LRP1B: variants seen among roughly 807,000 people sequenced by gnomAD.
The protein encoded by LRP1B is low-density lipoprotein receptor-related protein 1B.
Under a neutral mutation model 556.6 loss-of-function variants are expected in LRP1B, and 217 were observed. The ratio of observed to expected loss-of-function variants is 0.39; its 90% confidence interval spans 0.35 to 0.44. The LOEUF is 0.44. Ranked by LOEUF, LRP1B falls within the 20% of genes least tolerant of loss-of-function variation. LRP1B has a pLI of 1.00. For missense variants in LRP1B, 5,053 were observed against 5,620.8 expected, an observed-to-expected ratio of 0.90 and a Z score of 3.23; for synonymous variants, 2,047 against 1,865.8, an observed-to-expected ratio of 1.10 and a Z score of -2.50.
At chr2:140,980,650 A>T (rs764797599) in intron 18 of LRP1B, among the ~76,000 whole-genome samples, 2 of 152,200 alleles carry the variant, frequency 1.3e-5, no homozygotes, top group Non-Finnish European at 2.9e-5. Flanking sequence ...AGGCATTTAA[A>T]TTGAGAGGTT....
At chr2:140,584,986 T>C (rs75092740) in intron 43 of LRP1B, among the ~76,000 whole-genome samples, 206 of 152,216 alleles carry the variant, frequency 1.4e-3, no homozygotes, top group African/African-American at 4.8e-3. Context: ...TGAATTTTGC[T>C]GAACATAGCA....
At chr2:140,873,804 C>CA (rs1043580679) in intron 25 of LRP1B, among the ~76,000 whole-genome samples, 2 of 151,218 alleles carry the variant, frequency 1.3e-5, no homozygotes, top group African/African-American at 2.4e-5. Context: ...AACATTCTTT[C>CA]AAAAAAAGTA....
chr2:141,582,078 T>C (rs1686972847), intron 2 of LRP1B, among the ~76,000 whole-genome samples: 1 of 152,184 alleles, frequency 6.6e-6, no homozygotes, highest in Admixed American at 6.5e-5. Flanking sequence ...TCTCTAAAAA[T>C]TAAAATATGT....
chr2:140,376,471 T>G (rs1683234966), intron 68 of LRP1B, among the ~76,000 whole-genome samples: 1 of 152,296 alleles, frequency 6.6e-6, no homozygotes, highest in East Asian at 1.9e-4. Flanking sequence ...TTAAAATGTG[T>G]TTTTCTGCCT....
intron 3 of LRP1B, among the ~76,000 whole-genome samples, chr2:141,433,889 A>G (rs1680660640): frequency 7.5e-6 from 1 of 133,412 alleles, no homozygotes; most frequent in African/African-American, 2.8e-5. Flanking sequence ...TGCTATTCTC[A>G]GTACTTCTGC....
At chr2:141,059,315 T>C (rs1699274240) in intron 8 of LRP1B, among the ~76,000 whole-genome samples, 1 of 151,760 alleles carries the variant, frequency 6.6e-6, no homozygotes, top group Admixed American at 6.6e-5. Flanking sequence ...AGAGCATATT[T>C]AGTAGTTATT....
At chr2:141,031,282 TAC>T (rs1553448803) in intron 11 of LRP1B, among the ~76,000 whole-genome samples, 1 of 81,028 alleles carries the variant, frequency 1.2e-5, no homozygotes, top group South Asian at 3.6e-4. Flanking sequence ...CACACACACA[TAC>T]ATACATATAT....
chr2:141,877,391 A>T (rs1238206544), intron 1 of LRP1B, among the ~76,000 whole-genome samples: 5 of 151,922 alleles, frequency 3.3e-5, no homozygotes, highest in African/African-American at 1.2e-4. Context: ...GGACCATTTG[A>T]TGAGTTTTTA....
intron 1 of LRP1B, among the ~76,000 whole-genome samples, chr2:141,967,104 G>A (rs1282203930): frequency 6.6e-6 from 1 of 151,790 alleles, no homozygotes; most frequent in Non-Finnish European, 1.5e-5. Flanking sequence ...TTGGTGCCCT[G>A]TTGTTCCACA....
intron 18 of LRP1B, among the ~76,000 whole-genome samples, chr2:140,957,426 C>G (rs867864613): frequency 6.6e-6 from 1 of 151,368 alleles, no homozygotes; most frequent in Non-Finnish European, 1.5e-5. Flanking sequence ...TGGAAATGAT[C>G]ACTATTTAAA....
intron 1 of LRP1B, among the ~76,000 whole-genome samples, chr2:141,949,257 A>G (rs1157152604): frequency 7.9e-5 from 12 of 152,114 alleles, no homozygotes; most frequent in Admixed American, 7.2e-4. Flanking sequence ...CAACCCTAAA[A>G]TTTGTTTTAT....
In LRP1B at chr2:141,544,304, C is replaced by CTTCTTCTTCTTCTTCTTCTTCTT. The variant is rs1559130801; in HGVS notation, c.206-63794_206-63772dup. Among the ~76,000 whole-genome samples, 76 of 9,316 alleles carry CTTCTTCTTCTTCTTCTTCTTCTT rather than the reference C, an allele frequency of 8.2e-3. 2 individuals carry two copies. The highest frequency in any genetic ancestry group is 0.025 in the South Asian group (3 of 120). 6.1% of individuals were successfully genotyped at this position (9,316 alleles called of 152,430 possible). On this transcript the variant is annotated intron_variant, in intron 2 of 90. Transcript: ENST00000389484. ...TCTTAAGAAATTTACCACTCTTCTT[C>CTTCTTCTTCTTCTTCTTCTTCTT]TTCTTCTTCTTCTTCTTCTTCTTCT... is the stretch of plus-strand genomic sequence containing the variant.
At chr2:141,029,299 G>C (rs1698301823) in intron 11 of LRP1B, among the ~76,000 whole-genome samples, 1 of 152,148 alleles carries the variant, frequency 6.6e-6, no homozygotes, top group African/African-American at 2.4e-5. Flanking sequence ...GCAGTGATAA[G>C]GTGGTCCCTT....
At chr2:141,199,368 A>G (rs1382667346) in intron 6 of LRP1B, among the ~76,000 whole-genome samples, 1 of 152,130 alleles carries the variant, frequency 6.6e-6, no homozygotes, top group Non-Finnish European at 1.5e-5. Flanking sequence ...TTTCTTCTAC[A>G]TAGTTTTAAT....
chr2:141,901,309 C>G (rs1375233383), intron 1 of LRP1B, among the ~76,000 whole-genome samples: 1 of 151,950 alleles, frequency 6.6e-6, no homozygotes, highest in African/African-American at 2.4e-5. Flanking sequence ...CGTTTGAAAA[C>G]AGAGAAGGCT....
At chr2:140,330,152 C>A (rs585591) in intron 79 of LRP1B, among the ~76,000 whole-genome samples, 80,633 of 149,044 alleles carry the variant, frequency 0.54, 22,130 homozygotes, top group African/African-American at 0.58. Context: ...GTGAACCAGA[C>A]TAGCATCACT....
At chr2:141,387,170 T>C (rs1689861236) in intron 3 of LRP1B, among the ~76,000 whole-genome samples, 1 of 151,914 alleles carries the variant, frequency 6.6e-6, no homozygotes, top group Non-Finnish European at 1.5e-5. Flanking sequence ...AAAGCACACA[T>C]ACTAAATTAT....
chr2:140,946,768 T>A (rs1410929059), intron 20 of LRP1B, among the ~76,000 whole-genome samples: 2 of 152,190 alleles, frequency 1.3e-5, no homozygotes, highest in Non-Finnish European at 2.9e-5. Flanking sequence ...AGACATGGAA[T>A]CAACTTAGGT....
intron 32 of LRP1B, among the ~76,000 whole-genome samples, chr2:140,789,162 C>T (rs558941381): frequency 1.8e-4 from 28 of 152,250 alleles, no homozygotes; most frequent in African/African-American, 6.7e-4. Flanking sequence ...AAAATATTAA[C>T]AAGAGTCTGA....
Sources: gnomAD v4.1 joint callset for allele counts (sites outside exome capture counted in the v4.1 genomes callset) on GRCh38, gnomAD v4.1.1 for gene constraint, MANE v1.5 for transcripts, NCBI Gene and HGNC (gene_info 2026-07-23, HGNC 2026-07-21) for gene names.